WDR11: variants seen among roughly 807,000 people sequenced by gnomAD.
WDR11 encodes WD repeat-containing protein 11.
A neutral mutation model predicts 151.2 loss-of-function variants in WDR11; 83 were observed. The observed-to-expected ratio is 0.55, with a 90% CI of 0.46 to 0.66. The LOEUF (loss-of-function observed/expected upper bound fraction) is 0.66, where lower values mean the gene tolerates loss of function less well. WDR11 is among the 30% of genes least tolerant of loss of function. The pLI is 0.00. For synonymous variants in WDR11, 484 were observed against 533.1 expected (o/e 0.91, Z 1.27); for missense variants, 1,301 against 1,480.9 (o/e 0.88, Z 1.99).
At chr10:120,895,158 G>T (rs1847566074) in intron 19 of WDR11, among the ~76,000 whole-genome samples, 1 of 152,130 alleles carries the variant, frequency 6.6e-6, no homozygotes, top group Non-Finnish European at 1.5e-5. Flanking sequence ...TTACCACACA[G>T]CATGAGAACT....
chr10:120,899,806 C>G, intron 19 of WDR11: 1 of 568,042 alleles, frequency 1.8e-6, no homozygotes, highest in Non-Finnish European at 3.1e-6. Flanking sequence ...AATAAAAAAT[C>G]AAAAAAGGGG....
rs767462719 is a variant in WDR11, at chr10:120,905,366, C to T, written c.3241C>T (p.Arg1081Cys). Residue 1081 changes from arginine to cysteine, a missense_variant, in exon 26 of 29, where the codon CGC (arginine) becomes TGC (cysteine). This residue lies in a region of WDR11 where 589 missense variants were observed against 670.6 expected (regional missense o/e 0.88). Transcript: ENST00000263461. ...CLIDKAADAC[R>C]YLQTYGEWNR... ...GATAGATAAGGCTGCAGACGCCTGC[C>T]GCTACCTGCAGACATACGGCGAGTG... The T allele has an allele frequency of 5.0e-6, 8 of 1,614,138 alleles. No individual in the cohort carries two copies. Among genetic ancestry groups the T allele is most frequent in the South Asian group, 1.1e-5 (1 of 91,074 alleles).
chr10:120,906,565 T>C, intron 27 of WDR11: 1 of 1,417,504 alleles, frequency 7.1e-7, no homozygotes, highest in African/African-American at 1.4e-5. Flanking sequence ...CACAATTTTT[T>C]AAAGTATTAA....
At chr10:120,904,565 T>C (rs938777544) in intron 24 of WDR11, 81 bp from the exon 25 acceptor site, 3 of 1,548,378 alleles carry the variant, frequency 1.9e-6, no homozygotes, top group South Asian at 1.1e-5. Flanking sequence ...TGTTTTCCTT[T>C]AGTTTTCTAC....
chr10:120,889,861 C>G (rs749673574), intron 17 of WDR11, 34 bp from the exon 18 acceptor site: 3 of 1,420,512 alleles, frequency 2.1e-6, no homozygotes, highest in Non-Finnish European at 2.0e-6. Flanking sequence ...TCTCACTCTA[C>G]ATTGTATTGA....
At chr10:120,853,250 A>G (rs896973113) in intron 2 of WDR11, among the ~76,000 whole-genome samples, 1 of 152,022 alleles carries the variant, frequency 6.6e-6, no homozygotes, top group African/African-American at 2.4e-5. Context: ...GAAGTTTTGT[A>G]AGATTACGAA....
At chr10:120,880,205 A>G (rs1204624883) in intron 12 of WDR11, 1 of 152,272 alleles carries the variant, frequency 6.6e-6, no homozygotes, top group African/African-American at 2.4e-5. Context: ...AAAACTTAAC[A>G]TTGTTTTTTT....
chr10:120,907,628 TAAAAC>T (rs1210734435), intron 28 of WDR11: 2 of 148,400 alleles, frequency 1.3e-5, no homozygotes, highest in Non-Finnish European at 1.5e-5. Context: ...AACAGAGAAT[TAAAAC>T]TAAACTAAAA....
intron 17 of WDR11, 115 bp downstream of exon 17, chr10:120,889,299 G>A: frequency 6.5e-6 from 5 of 770,018 alleles, no homozygotes; most frequent in South Asian, 1.5e-5. Flanking sequence ...GTGCAGTGGT[G>A]CAATCTCGGC....
rs751710931 is a variant in WDR11, at chr10:120,904,694, C to T, written c.3076C>T (p.His1026Tyr). 3 of 1,614,194 alleles carry T rather than the reference C, an allele frequency of 1.9e-6. No homozygotes were observed. The highest frequency in any genetic ancestry group is 2.2e-5 in the South Asian group (2 of 91,082). ...LLLETSADNQ[H>Y]YYCDSLKACL... ...GTTGGAAACAAGTGCAGATAACCAG[C>T]ATTATTACTGTGATTCACTGAAAGC... Residue 1026 changes from histidine to tyrosine, a missense_variant, in exon 25 of 29, where the codon CAT becomes TAT. Coordinates refer to ENST00000263461, the MANE Select transcript of WDR11 (RefSeq NM_018117.12).
chr10:120,898,029 AG>A (rs1847677343), intron 19 of WDR11, among the ~76,000 whole-genome samples: 2 of 152,244 alleles, frequency 1.3e-5, no homozygotes, highest in South Asian at 4.1e-4. Context: ...GTTTTCCAAT[AG>A]AAACATAATG....
Position 120,852,575 on chromosome 10 carries a change from T to G in WDR11, c.138T>G (p.Ile46Met), listed in dbSNP as rs764043136. The G allele has an allele frequency of 6.2e-7, 1 of 1,614,104 alleles. No homozygotes were observed. Among genetic ancestry groups the G allele is most frequent in the South Asian group, 1.1e-5 (1 of 91,082 alleles). Residue 46 changes from isoleucine to methionine, a missense_variant, in exon 2 of 29, where the codon ATT becomes ATG. Coordinates refer to ENST00000263461, the MANE Select transcript of WDR11 (RefSeq NM_018117.12). ...AYGCHSLVVV[I>M]DSITAQTLQV... Reference sequence around the variant, plus strand: ...GATGTCATTCACTTGTGGTAGTGATTGATTCCATTACTGCCCAAACTCTTC... The same window carrying G: ...GATGTCATTCACTTGTGGTAGTGATGGATTCCATTACTGCCCAAACTCTTC...
chr10:120,888,544 G>A (rs1167995865), intron 16 of WDR11, among the ~76,000 whole-genome samples: 1 of 152,196 alleles, frequency 6.6e-6, no homozygotes, highest in Admixed American at 6.5e-5. Context: ...AAAGCTTTCT[G>A]TGAATTTAAA....
intron 11 of WDR11, among the ~76,000 whole-genome samples, chr10:120,874,162 T>C (rs944248861): frequency 2.1e-5 from 3 of 141,076 alleles, no homozygotes; most frequent in Non-Finnish European, 4.6e-5. Flanking sequence ...GCAAAAGTAA[T>C]TGCGGTTTTT....
At chr10:120,865,842 C>T in intron 7 of WDR11, 98 bp downstream of exon 7, 1 of 790,690 alleles carries the variant, frequency 1.3e-6, no homozygotes, top group Admixed American at 2.4e-5. Flanking sequence ...GTTAATGATA[C>T]TCCTTGCTTT....
chr10:120,894,945 CT>C (rs2133800267), intron 19 of WDR11, among the ~76,000 whole-genome samples: 1 of 152,160 alleles, frequency 6.6e-6, no homozygotes, highest in South Asian at 2.1e-4. Flanking sequence ...TTAAGGGTCA[CT>C]TTCAGTTTGT....
At chr10:120,858,529 C>G in intron 2 of WDR11, 114 bp from the exon 3 acceptor site, 3 of 1,282,520 alleles carry the variant, frequency 2.3e-6, no homozygotes, top group Non-Finnish European at 3.3e-6. Flanking sequence ...TTTATTCTTG[C>G]TAAATGTTTA....
At chr10:120,886,321 T>G (rs1184016960) in intron 15 of WDR11, among the ~76,000 whole-genome samples, 1 of 152,164 alleles carries the variant, frequency 6.6e-6, no homozygotes, top group Non-Finnish European at 1.5e-5. Flanking sequence ...ATCCTAAATT[T>G]GTGTATCATC....
At chr10:120,869,541 T>C (rs1467069208) in intron 9 of WDR11, among the ~76,000 whole-genome samples, 1 of 152,182 alleles carries the variant, frequency 6.6e-6, no homozygotes, top group African/African-American at 2.4e-5. Context: ...AATTAAACTT[T>C]TAATTTGAAA....
Sources: gnomAD v4.1 joint callset for allele counts (sites outside exome capture counted in the v4.1 genomes callset) on GRCh38, gnomAD v4.1.1 for gene constraint, gnomAD v4.1.1 regional missense constraint, MANE v1.5 for transcripts, NCBI Gene and HGNC (gene_info 2026-07-23, HGNC 2026-07-21) for gene names.